WDR72: variants seen among roughly 807,000 people sequenced by gnomAD.
The protein encoded by WDR72 is WD repeat-containing protein 72.
A neutral mutation model predicts 124.2 loss-of-function variants in WDR72; 120 were observed. The ratio of observed to expected loss-of-function variants is 0.97; its 90% CI spans 0.83 to 1.12. The LOEUF (loss-of-function observed/expected upper bound fraction) is 1.12, where lower values mean the gene tolerates loss of function less well. WDR72 is among the 50% of genes most tolerant of loss of function. The probability of loss-of-function intolerance (pLI) is 0.00; values close to 1 mark genes in which losing one functional copy is unlikely to be tolerated. For missense variants in WDR72, 1,387 were observed against 1,278.8 expected, an observed-to-expected ratio of 1.08 and a Z score of -1.29; for synonymous variants, 452 against 441.7, an observed-to-expected ratio of 1.02 and a Z score of -0.29.
intron 18 of WDR72, among the ~76,000 whole-genome samples, chr15:53,569,830 T>C (rs1894444272): frequency 6.6e-6 from 1 of 152,104 alleles, no homozygotes; most frequent in Non-Finnish European, 1.5e-5. Flanking sequence ...TACTTTTATT[T>C]TGCTTATTTA....
chr15:53,555,483 C>T (rs1893895582), intron 18 of WDR72, among the ~76,000 whole-genome samples: 1 of 152,032 alleles, frequency 6.6e-6, no homozygotes, highest in Non-Finnish European at 1.5e-5. Context: ...AAAGAATACT[C>T]AACTTTTATA....
chr15:53,683,660 G>A lies in WDR72; in HGVS notation c.1765+16090C>T, dbSNP rs376575467. 1.5e-4 allele frequency among the ~76,000 whole-genome samples: 23 copies of A among 152,066 alleles called. No homozygotes were observed. The South Asian group carries it at 4.2e-3, about 27-fold the overall frequency. On this transcript the variant is annotated intron_variant, in intron 13 of 19. Transcript: ENST00000360509. ...AATAGATTTTAAAAACACACACACA[G>A]AATATAGTGAATATTAAGTATATTA...
In WDR72 at chr15:53,515,024, T is replaced by TACAC. The variant is rs138789015; in HGVS notation, c.*2671_*2674dup. The stretch of plus-strand genomic sequence containing the variant: ...GGGATATGCCATATATATATATATA[T>TACAC]ACACACATATATATGTGTATATATA... On this transcript the variant is annotated 3_prime_UTR_variant, in exon 20 of 20. Coordinates refer to ENST00000360509, the MANE Select transcript of WDR72 (RefSeq NM_182758.4). 39 of 135,928 alleles carry TACAC rather than the reference T, an allele frequency of 2.9e-4. No individual in the cohort carries two copies. Among genetic ancestry groups the TACAC allele is most frequent in the African/African-American group, 1.3e-3 (38 of 29,080 alleles). The allele number at this position is 135,928 out of a possible 1,614,324, so 8.4% of individuals were successfully genotyped here.
chr15:53,738,704 T>TCCTGCC (rs2018425549), intron 1 of WDR72, among the ~76,000 whole-genome samples: 1 of 152,180 alleles, frequency 6.6e-6, no homozygotes, highest in South Asian at 2.1e-4. Flanking sequence ...CAAGGGATTC[T>TCCTGCC]CCTGCCCCTG....
chr15:53,757,420 C>T (rs779272576), intron 1 of WDR72, among the ~76,000 whole-genome samples: 8 of 151,980 alleles, frequency 5.3e-5, no homozygotes, highest in Admixed American at 1.3e-4. Flanking sequence ...GTCAGGAGTT[C>T]GAGACCAGCC....
intron 18 of WDR72, among the ~76,000 whole-genome samples, chr15:53,550,205 G>A (rs1156494678): frequency 6.6e-6 from 1 of 152,108 alleles, no homozygotes; most frequent in South Asian, 2.1e-4. Context: ...TTTCTTAAAG[G>A]TTCAGATAGT....
intron 18 of WDR72, among the ~76,000 whole-genome samples, chr15:53,563,653 G>A (rs1380577935): frequency 6.6e-6 from 1 of 151,708 alleles, no homozygotes; most frequent in Admixed American, 6.6e-5. Flanking sequence ...TAATAGGAAT[G>A]TCAGATGGAA....
chr15:53,755,125 C>T (rs1247433536), intron 1 of WDR72, among the ~76,000 whole-genome samples: 1 of 152,118 alleles, frequency 6.6e-6, no homozygotes, highest in African/African-American at 2.4e-5. Context: ...CTTCCCCAGG[C>T]GACAGCTATT....
intron 16 of WDR72, among the ~76,000 whole-genome samples, chr15:53,611,639 T>C (rs1285537623): frequency 6.6e-6 from 1 of 151,900 alleles, no homozygotes; most frequent in Non-Finnish European, 1.5e-5. Context: ...CCTGACACAG[T>C]GGACAGGAAA....
intron 13 of WDR72, among the ~76,000 whole-genome samples, chr15:53,670,107 G>T (rs149457176): frequency 5.7e-4 from 87 of 152,124 alleles, no homozygotes; most frequent in African/African-American, 2.0e-3. Context: ...AAAATCTATT[G>T]TAAGTAAAAT....
intron 1 of WDR72, among the ~76,000 whole-genome samples, chr15:53,748,624 C>T (rs1469327095): frequency 6.6e-6 from 1 of 152,132 alleles, no homozygotes; most frequent in Non-Finnish European, 1.5e-5. Context: ...TCCCAGCACT[C>T]TTAGTTGATG....
rs1329406894 is a variant in WDR72 at position 53,699,639 on chromosome 15, AG to A, written c.1765+110del. 3.3e-5 allele frequency: 38 copies of A among 1,166,888 alleles called. No individual in the cohort carries two copies. The East Asian group carries it at 8.9e-4, about 27-fold the overall frequency. 72.3% of individuals were successfully genotyped at this position (1,166,888 alleles called of 1,614,324 possible). On this transcript the variant is annotated intron_variant, in intron 13 of 19. Coordinates refer to ENST00000360509, the MANE Select transcript of WDR72 (RefSeq NM_182758.4). ...AAGCCATTAAATGCAGCCCAAACAA[AG>A]GTTAAAGCAAGTGAGGTCATCACCG...
chr15:53,528,227 T>C (rs548677652), intron 18 of WDR72, among the ~76,000 whole-genome samples: 55 of 152,214 alleles, frequency 3.6e-4, no homozygotes, highest in African/African-American at 1.3e-3. Flanking sequence ...TAAAGAGCTG[T>C]GTACACATCA....
At chr15:53,626,649 C>T (rs1020052280) in intron 14 of WDR72, among the ~76,000 whole-genome samples, 3 of 152,196 alleles carry the variant, frequency 2.0e-5, no homozygotes, top group Non-Finnish European at 4.4e-5. Context: ...CTTTGTCCTT[C>T]CCGCTGTGCT....
At chr15:53,750,911 A>G (rs1401052596) in intron 1 of WDR72, among the ~76,000 whole-genome samples, 6 of 152,186 alleles carry the variant, frequency 3.9e-5, no homozygotes, top group Admixed American at 2.6e-4. Context: ...CTTATGAATG[A>G]GCAAAGAAAG....
At chr15:53,530,165 C>T (rs1190106885) in intron 18 of WDR72, among the ~76,000 whole-genome samples, 1 of 150,920 alleles carries the variant, frequency 6.6e-6, no homozygotes, top group East Asian at 2.0e-4. Flanking sequence ...CTCTTCTTTA[C>T]CAAATTGTAG....
intron 3 of WDR72, among the ~76,000 whole-genome samples, chr15:53,717,883 C>T (rs964591887): frequency 6.6e-6 from 1 of 151,900 alleles, no homozygotes. Context: ...ACATATAATT[C>T]TATAAAATAG....
chr15:53,616,029 G>T lies in WDR72; in HGVS notation c.2177C>A (p.Thr726Lys), dbSNP rs570420538. The change falls in exon 15 of 20, where the codon ACA (threonine) becomes AAA (lysine). Residue 726 changes from threonine (T) to lysine (K), a missense_variant. Thr to Lys is a moderately conservative substitution (Grantham distance 78). Transcript: ENST00000360509. ...AKSTVEKKTL[T>K]LRKSKTACGP... ...ACAGGCAGTTTTACTTTTTCTCAGT[G>T]TCAGTGTCTTCTTCTCCACTGTGCT... is the stretch of plus-strand genomic sequence containing the variant. 5 of 1,613,190 alleles carry T rather than the reference G, an allele frequency of 3.1e-6. No individual in the cohort carries two copies. In the East Asian group the frequency reaches 1.1e-4, roughly 36 times the overall value.
chr15:53,569,636 T>A (rs1024557336), intron 18 of WDR72, among the ~76,000 whole-genome samples: 1 of 152,066 alleles, frequency 6.6e-6, no homozygotes, highest in Admixed American at 6.6e-5. Context: ...AAATGTTGAA[T>A]GTGGTACCAG....
Sources: allele counts gnomAD v4.1 joint callset (sites outside exome capture counted in the v4.1 genomes callset), GRCh38; gene constraint gnomAD v4.1.1; transcripts MANE v1.5; gene names NCBI Gene and HGNC (gene_info 2026-07-23, HGNC 2026-07-21).